Variants in MYH13 observed in about 807,000 individuals in gnomAD.
MYH13 encodes myosin heavy chain 13, also known as myosin-13.
In MYH13, 177 loss-of-function variants were observed where a neutral mutation model predicts 232.1. The observed-to-expected ratio is 0.76, with a 90% CI of 0.67 to 0.86. MYH13 has a LOEUF of 0.86. MYH13 is among the 40% of genes least tolerant of loss of function. MYH13 has a pLI of 0.00. For missense variants in MYH13, 2,246 were observed against 2,405.9 expected (o/e 0.93, Z 1.39); for synonymous variants, 884 against 923.5 (o/e 0.96, Z 0.78).
At chr17:10,348,596 C>G (rs1272758401) in intron 12 of MYH13, among the ~76,000 whole-genome samples, 1 of 152,210 alleles carries the variant, frequency 6.6e-6, no homozygotes, top group Non-Finnish European at 1.5e-5. Context: ...TGCACACACA[C>G]AGCTGCTAGG....
At chr17:10,312,321 T>C (rs1415181182) in intron 31 of MYH13, among the ~76,000 whole-genome samples, 1 of 152,074 alleles carries the variant, frequency 6.6e-6, no homozygotes, top group Non-Finnish European at 1.5e-5. Flanking sequence ...AAAATAAAAT[T>C]GCCTTTGGAG....
chr17:10,356,945 T>C (rs1190811400), intron 8 of MYH13, among the ~76,000 whole-genome samples: 1 of 152,164 alleles, frequency 6.6e-6, no homozygotes, highest in African/African-American at 2.4e-5. Flanking sequence ...ATATCTTCAG[T>C]ATGAATCTAT....
chr17:10,332,086 T>G lies in MYH13; in HGVS notation c.2298+13A>C. The G allele has an allele frequency of 6.2e-7, 1 of 1,613,616 alleles. No homozygotes were observed. The highest frequency in any genetic ancestry group is 8.5e-7 in the Non-Finnish European group (1 of 1,179,762). On this transcript the variant is annotated intron_variant, in intron 20 of 40. Transcript: ENST00000252172. Reference sequence around the variant, plus strand: ...GGGGTTACTAGGGGAGTCCCAGCCTTGCCTGTGCTCACCTTGGTGTTGCCG... The same window carrying G: ...GGGGTTACTAGGGGAGTCCCAGCCTGGCCTGTGCTCACCTTGGTGTTGCCG...
At chr17:10,324,590 A>C (rs1195170030) in intron 22 of MYH13, among the ~76,000 whole-genome samples, 2 of 151,332 alleles carry the variant, frequency 1.3e-5, no homozygotes, top group Non-Finnish European at 2.9e-5. Flanking sequence ...GATTACAGGC[A>C]TGTGCTACCA....
chr17:10,325,047 T>C (rs1051660811), intron 22 of MYH13: 5 of 150,904 alleles, frequency 3.3e-5, no homozygotes, highest in Middle Eastern at 3.3e-3. Context: ...TGTCTCAAAC[T>C]TTGAGCCTCA....
At chr17:10,320,879 T>A (rs542796929) in intron 24 of MYH13, among the ~76,000 whole-genome samples, 49 of 152,324 alleles carry the variant, frequency 3.2e-4, no homozygotes, top group African/African-American at 1.0e-3. Context: ...ACGCCTTGCC[T>A]GCTAACATTA....
At chr17:10,307,878 A>G (rs1261783576) in intron 35 of MYH13, among the ~76,000 whole-genome samples, 5 of 152,208 alleles carry the variant, frequency 3.3e-5, no homozygotes, top group Admixed American at 3.3e-4. Flanking sequence ...AAATTTAGTT[A>G]TGAGGAAGTT....
chr17:10,316,826 GC>G (rs112243968), intron 27 of MYH13, among the ~76,000 whole-genome samples: 23,165 of 152,076 alleles, frequency 0.15, 1,900 homozygotes, highest in East Asian at 0.31. Flanking sequence ...CTCTCCTCCT[GC>G]TGCTCCATAA....
rs1159728490 is a variant in MYH13, at chr17:10,332,996, C to T, written c.2174+78G>A. 8.5e-6 allele frequency: 10 copies of T among 1,171,206 alleles called. No homozygotes were observed. In the East Asian group the frequency reaches 2.3e-4, roughly 27 times the overall value. 72.6% of individuals were successfully genotyped at this position (1,171,206 alleles called of 1,614,324 possible). On this transcript the variant is annotated intron_variant, in intron 19 of 40. Coordinates refer to ENST00000252172, the MANE Select transcript of MYH13 (RefSeq NM_003802.3). ...GGGGACTTGGGAGCTCACCAAATAC[C>T]CAGGTCAAGAAATGTCTTAGGGAAA...
chr17:10,346,342 T>C (rs894559081), intron 13 of MYH13, among the ~76,000 whole-genome samples: 2 of 152,088 alleles, frequency 1.3e-5, no homozygotes, highest in African/African-American at 4.8e-5. Context: ...TTGGGAGCTA[T>C]GGGGTGGCCA....
intron 18 of MYH13, among the ~76,000 whole-genome samples, chr17:10,338,014 C>CTACA (rs1184352288): frequency 6.6e-6 from 1 of 152,102 alleles, no homozygotes; most frequent in Non-Finnish European, 1.5e-5. Context: ...GATCGTGCCA[C>CTACA]TACACTCCGG....
intron 27 of MYH13, among the ~76,000 whole-genome samples, chr17:10,318,289 C>T (rs770214371): frequency 9.9e-5 from 15 of 152,124 alleles, no homozygotes; most frequent in Non-Finnish European, 1.8e-4. Context: ...ATGCTTTGGT[C>T]TGAAAGTTTG....
At chr17:10,344,580 G>C (rs1293070625) in intron 15 of MYH13, among the ~76,000 whole-genome samples, 1 of 151,948 alleles carries the variant, frequency 6.6e-6, no homozygotes, top group African/African-American at 2.4e-5. Flanking sequence ...TACTTTGGGA[G>C]GCTGAGGTGG....
At position 10,359,987 on chromosome 17, in the gene MYH13, C is replaced by G. The variant is rs2071779462; in HGVS notation, c.618G>C (p.Lys206Asn). ...FATIAVTGDK[K>N]KETQPGKMQG... ...GCATTTTGCCTGGCTGTGTCTCCTT[C>G]TTCTTGTCCCCGGTAACTGCAATTG... The change falls in exon 7 of 41, where the codon AAG becomes AAC. Residue 206 changes from lysine (K) to asparagine (N), a missense_variant. Transcript: ENST00000252172. 5.6e-6 allele frequency: 9 copies of G among 1,614,020 alleles called. No individual in the cohort carries two copies. The highest frequency in any genetic ancestry group is 7.6e-6 in the Non-Finnish European group (9 of 1,180,022).
chr17:10,364,047 T>C (rs955955793), intron 3 of MYH13, among the ~76,000 whole-genome samples: 19 of 152,158 alleles, frequency 1.2e-4, no homozygotes, highest in African/African-American at 4.3e-4. Context: ...AGTATCAGCC[T>C]CTTCCTTAAA....
chr17:10,322,703 A>G lies in MYH13; in HGVS notation c.2935-995T>C, dbSNP rs192251581. On this transcript the variant is annotated intron_variant, in intron 23 of 40. Coordinates refer to ENST00000252172, the MANE Select transcript of MYH13 (RefSeq NM_003802.3). ...GGCTGGAGTGCAGTGGCGCAGTCTC[A>G]GCTCACTGCAAGCTCCGCCTCCCGG... 4.4e-3 allele frequency among the ~76,000 whole-genome samples: 597 copies of G among 136,142 alleles called. 10 individuals carry two copies. The highest frequency in any genetic ancestry group is 0.014 in the African/African-American group (516 of 35,982). 89.3% of individuals were successfully genotyped at this position (136,142 alleles called of 152,430 possible). A position where few individuals can be genotyped will look rare whatever the true frequency, so the allele number is the denominator to read the frequency against.
intron 16 of MYH13, 70 bp downstream of exon 16, chr17:10,343,730 A>C: frequency 6.9e-7 from 1 of 1,457,740 alleles, no homozygotes; most frequent in South Asian, 1.4e-5. Flanking sequence ...CTGGTTCTTC[A>C]CAAGCAGCTC....
At chr17:10,350,369 T>C (rs2071699217) in intron 12 of MYH13, among the ~76,000 whole-genome samples, 187 bp downstream of exon 12, 1 of 152,204 alleles carries the variant, frequency 6.6e-6, no homozygotes, top group South Asian at 2.1e-4. Flanking sequence ...AATTCACTAC[T>C]CTGGGAGTCC....
intron 39 of MYH13, among the ~76,000 whole-genome samples, chr17:10,302,825 G>C (rs1906140526): frequency 6.6e-6 from 1 of 152,028 alleles, no homozygotes; most frequent in African/African-American, 2.4e-5. Flanking sequence ...AGGTATCTCA[G>C]GTCAGGTCAT....
Sources: allele counts gnomAD v4.1 joint callset (sites outside exome capture counted in the v4.1 genomes callset), GRCh38; gene constraint gnomAD v4.1.1; transcripts MANE v1.5; gene names NCBI Gene and HGNC (gene_info 2026-07-23, HGNC 2026-07-21).